The following PUS7 variants were observed in gnomAD, a reference collection of about 807,000 sequenced individuals.
PUS7 encodes the protein pseudouridine synthase 7.
In PUS7, 48 loss-of-function variants were observed where a neutral mutation model predicts 79.8. The observed-to-expected ratio is 0.60, with a 90% CI of 0.48 to 0.76. The LOEUF is 0.76. PUS7 is among the 30% of genes least tolerant of loss of function. The pLI, the probability that PUS7 is intolerant of heterozygous loss-of-function variation, is 0.00. For synonymous variants in PUS7, 286 were observed against 272.2 expected (o/e 1.05, Z -0.50); for missense variants, 729 against 797.6 (o/e 0.91, Z 1.04).
chr7:105,471,965 C>T (rs1823892777), intron 10 of PUS7, among the ~76,000 whole-genome samples, 167 bp downstream of exon 10: 1 of 147,060 alleles, frequency 6.8e-6, no homozygotes, highest in Non-Finnish European at 1.5e-5. Flanking sequence ...CTTAAATATA[C>T]ATATACAACT....
chr7:105,519,161 G>C (rs1826008011), intron 1 of PUS7, among the ~76,000 whole-genome samples: 1 of 151,954 alleles, frequency 6.6e-6, no homozygotes, highest in South Asian at 2.1e-4. Flanking sequence ...TCCATCCCCT[G>C]CAAATTATCA....
chr7:105,471,962 A>G (rs1217622488), intron 10 of PUS7, among the ~76,000 whole-genome samples, 170 bp downstream of exon 10: 1 of 151,780 alleles, frequency 6.6e-6, no homozygotes, highest in African/African-American at 2.4e-5. Context: ...AATCTTAAAT[A>G]TACATATACA....
intron 1 of PUS7, among the ~76,000 whole-genome samples, chr7:105,513,679 A>T (rs1428955104): frequency 1.3e-5 from 2 of 148,334 alleles, no homozygotes; most frequent in African/African-American, 2.5e-5. Context: ...CTACTAAAAA[A>T]TACAAAAAAT....
intron 5 of PUS7, among the ~76,000 whole-genome samples, chr7:105,496,194 C>CATATAT (rs1301915171): frequency 2.2e-5 from 2 of 91,618 alleles, no homozygotes; most frequent in African/African-American, 4.3e-5. Flanking sequence ...TACACACACA[C>CATATAT]ACATATATAT....
intron 1 of PUS7, among the ~76,000 whole-genome samples, chr7:105,510,023 G>A (rs546455055): frequency 1.7e-4 from 26 of 152,164 alleles, no homozygotes; most frequent in African/African-American, 5.8e-4. Flanking sequence ...TATTGTGGCC[G>A]GGATCGGTGG....
chr7:105,522,245 G>T lies in PUS7; in HGVS notation c.-226C>A, dbSNP rs1300503890. On this transcript the variant is annotated 5_prime_UTR_variant, in exon 1 of 16. Transcript: ENST00000469408. ...CCGGCGGCCGGGCTCGCACACGTGC[G>T]GCGCAGCGACGCGCCGCGGCCCGAC... 1.3e-5 allele frequency: 2 copies of T among 151,632 alleles called. No individual in the cohort carries two copies. The highest frequency in any genetic ancestry group is 4.8e-5 in the African/African-American group (2 of 41,362). The allele number at this position is 151,632 out of a possible 1,614,324, so 9.4% of individuals were successfully genotyped here. A position where few individuals can be genotyped will look rare whatever the true frequency, so the allele number is the denominator to read the frequency against.
intron 9 of PUS7, among the ~76,000 whole-genome samples, chr7:105,476,174 T>C (rs1390317848): frequency 6.6e-6 from 1 of 151,300 alleles, no homozygotes; most frequent in Non-Finnish European, 1.5e-5. Flanking sequence ...GGCTTACATA[T>C]TCCATTGTAT....
intron 6 of PUS7, 112 bp from the exon 7 acceptor site, chr7:105,491,729 T>TAG (rs1335650673): frequency 1.5e-6 from 1 of 649,300 alleles, no homozygotes; most frequent in African/African-American, 1.9e-5. Flanking sequence ...CATAACACAG[T>TAG]AAGAGAAGAA....
At chr7:105,478,558 ATTAGT>A (rs1186760805) in intron 9 of PUS7, among the ~76,000 whole-genome samples, 1 of 152,172 alleles carries the variant, frequency 6.6e-6, no homozygotes, top group Non-Finnish European at 1.5e-5. Context: ...TTTCCTAAAG[ATTAGT>A]GATAAGCATC....
chr7:105,479,533 C>CA (rs1824234000), intron 9 of PUS7, among the ~76,000 whole-genome samples: 3 of 152,188 alleles, frequency 2.0e-5, no homozygotes, highest in Admixed American at 2.0e-4. Context: ...GTTTATGTAA[C>CA]AGAGTCTCTG....
intron 4 of PUS7, among the ~76,000 whole-genome samples, chr7:105,505,083 C>T (rs998954428): frequency 6.7e-6 from 1 of 149,704 alleles, no homozygotes; most frequent in African/African-American, 2.4e-5. Flanking sequence ...TCGCTGCAAC[C>T]TCTGTCTCCT....
At chr7:105,473,883 C>T (rs1251766646) in intron 9 of PUS7, among the ~76,000 whole-genome samples, 1 of 152,184 alleles carries the variant, frequency 6.6e-6, no homozygotes, top group Non-Finnish European at 1.5e-5. Flanking sequence ...CTGAACGGTA[C>T]ATAAGAAAGG....
intron 5 of PUS7, among the ~76,000 whole-genome samples, chr7:105,501,773 G>GTGAAACCCCGTCTCTACTAAAA (rs1409347920): frequency 1.3e-5 from 2 of 151,928 alleles, no homozygotes; most frequent in Admixed American, 1.3e-4. Context: ...GGCTAACAAG[G>GTGAAACCCCGTCTCTACTAAAA]TGAAACCCCG....
chr7:105,479,815 T>C (rs1049455877), intron 9 of PUS7, among the ~76,000 whole-genome samples: 2 of 151,868 alleles, frequency 1.3e-5, no homozygotes, highest in African/African-American at 4.8e-5. Context: ...CTGGCCAACA[T>C]GACAAAACCT....
At chr7:105,462,380 C>T in intron 14 of PUS7, 2 of 399,660 alleles carry the variant, frequency 5.0e-6, no homozygotes, top group Non-Finnish European at 8.8e-6. Flanking sequence ...TGCAGTGAGC[C>T]GAGATCATGC....
intron 7 of PUS7, 111 bp from the exon 8 acceptor site, chr7:105,482,551 A>G: frequency 8.6e-7 from 1 of 1,167,070 alleles, no homozygotes; most frequent in East Asian, 2.4e-5. Flanking sequence ...CACACCTATG[A>G]CCCCCTGAAA....
intron 13 of PUS7, among the ~76,000 whole-genome samples, chr7:105,463,382 T>C (rs993936731): frequency 6.6e-6 from 1 of 152,222 alleles, no homozygotes; most frequent in Admixed American, 6.5e-5. Context: ...CTTCCACATA[T>C]AGTCATAAGT....
intron 7 of PUS7, 110 bp from the exon 8 acceptor site, chr7:105,482,550 G>A: frequency 8.4e-7 from 1 of 1,183,588 alleles, no homozygotes; most frequent in African/African-American, 1.5e-5. Context: ...GCACACCTAT[G>A]ACCCCCTGAA....
chr7:105,469,077 A>AT (rs1158050468), intron 11 of PUS7, among the ~76,000 whole-genome samples: 2 of 143,858 alleles, frequency 1.4e-5, no homozygotes, highest in Non-Finnish European at 3.1e-5. Context: ...AGTTCTTTGA[A>AT]TTTTCTTTCT....
Sources: allele counts gnomAD v4.1 joint callset (sites outside exome capture counted in the v4.1 genomes callset), GRCh38; gene constraint gnomAD v4.1.1; transcripts MANE v1.5; gene names NCBI Gene and HGNC (gene_info 2026-07-23, HGNC 2026-07-21).